PLCXD2: variants seen among roughly 807,000 people sequenced by gnomAD.
PLCXD2 encodes PI-PLC X domain-containing protein 2.
Under a neutral mutation model 28.6 loss-of-function variants are expected in PLCXD2, and 21 were observed. That is an observed-to-expected ratio of 0.73 (90% CI 0.52 to 1.06). The LOEUF (loss-of-function observed/expected upper bound fraction) is 1.06, where lower values mean the gene tolerates loss of function less well. Among genes scored for constraint, PLCXD2 ranks in the 50% least tolerant of loss-of-function variants. The pLI is 0.00. For synonymous variants in PLCXD2, 140 were observed against 150.1 expected (o/e 0.93, Z 0.49); for missense variants, 369 against 376.7 (o/e 0.98, Z 0.17).
At chr3:111,701,418 G>T (rs1006798953) in intron 1 of PLCXD2, among the ~76,000 whole-genome samples, 1 of 152,146 alleles carries the variant, frequency 6.6e-6, no homozygotes, top group Non-Finnish European at 1.5e-5. Context: ...CCAGAAAGGG[G>T]CCTGCCTATC....
intron 3 of PLCXD2, among the ~76,000 whole-genome samples, chr3:111,719,580 T>G (rs927137064): frequency 1.3e-5 from 2 of 152,226 alleles, no homozygotes; most frequent in Non-Finnish European, 2.9e-5. Flanking sequence ...AACGAACTAC[T>G]GATACATGCA....
Position 111,689,824 on chromosome 3 carries a change from T to C in PLCXD2, c.163+14416T>C, listed in dbSNP as rs758892397. ...ACTAGGACAGGCAGGAAGCAAGTAG[T>C]AACGCCTAAGGTAAGACAAAATCTT... On this transcript the variant is annotated intron_variant, in intron 1 of 4. Transcript: ENST00000477665. 4.1e-4 allele frequency among the ~76,000 whole-genome samples: 62 copies of C among 152,222 alleles called. 2 individuals carry two copies. The highest frequency in any genetic ancestry group is 2.1e-4 in the South Asian group (1 of 4,834).
intron 3 of PLCXD2, among the ~76,000 whole-genome samples, chr3:111,715,140 C>A (rs1941251576): frequency 6.6e-6 from 1 of 152,112 alleles, no homozygotes; most frequent in Non-Finnish European, 1.5e-5. Flanking sequence ...TTATGTCAAC[C>A]ATGGACAAAA....
chr3:111,722,261 A>G (rs1211286082), intron 3 of PLCXD2: 1 of 152,074 alleles, frequency 6.6e-6, no homozygotes, highest in Non-Finnish European at 1.5e-5. Flanking sequence ...GCACTCACAC[A>G]GGAGCTTACT....
At chr3:111,709,845 A>G (rs951612507) in intron 2 of PLCXD2, among the ~76,000 whole-genome samples, 1 of 152,136 alleles carries the variant, frequency 6.6e-6, no homozygotes, top group South Asian at 2.1e-4. Context: ...GCCTTCACTC[A>G]CTCTAAGCGA....
chr3:111,697,135 G>C (rs1371648731), intron 1 of PLCXD2, among the ~76,000 whole-genome samples: 1 of 152,002 alleles, frequency 6.6e-6, no homozygotes, highest in East Asian at 1.9e-4. Context: ...TAACTTATAA[G>C]ATTTATTTTA....
intron 1 of PLCXD2, among the ~76,000 whole-genome samples, chr3:111,690,592 T>C (rs1232018996): frequency 6.6e-6 from 1 of 152,192 alleles, no homozygotes; most frequent in East Asian, 1.9e-4. Context: ...TGGGGTGTGT[T>C]TTCATTCACT....
At chr3:111,689,009 A>G (rs1940836840) in intron 1 of PLCXD2, among the ~76,000 whole-genome samples, 1 of 152,158 alleles carries the variant, frequency 6.6e-6, no homozygotes, top group Non-Finnish European at 1.5e-5. Flanking sequence ...TAGTTTGTAG[A>G]TCTTATAAGA....
chr3:111,688,829 T>A (rs1940833501), intron 1 of PLCXD2, among the ~76,000 whole-genome samples: 1 of 151,720 alleles, frequency 6.6e-6, no homozygotes, highest in Non-Finnish European at 1.5e-5. Context: ...AAATTAACTT[T>A]AAAAAAAGAA....
At chr3:111,708,493 G>C in intron 2 of PLCXD2, 107 bp downstream of exon 2, 1 of 1,082,338 alleles carries the variant, frequency 9.2e-7, no homozygotes, top group Non-Finnish European at 1.3e-6. Context: ...TTAGGCTAAA[G>C]AGTGGATTGT....
At chr3:111,714,253 A>C in intron 3 of PLCXD2, 125 bp downstream of exon 3, 2 of 1,284,054 alleles carry the variant, frequency 1.6e-6, no homozygotes, top group Non-Finnish European at 2.1e-6. Context: ...AACAAGCAAA[A>C]AACTTTGTAT....
chr3:111,678,452 T>C (rs1940658130), intron 1 of PLCXD2, among the ~76,000 whole-genome samples: 2 of 152,248 alleles, frequency 1.3e-5, no homozygotes, highest in African/African-American at 2.4e-5. Flanking sequence ...TATGGACAAA[T>C]GGACTAATGG....
At chr3:111,726,036 C>G (rs1941410565) in intron 3 of PLCXD2, 1 of 341,046 alleles carries the variant, frequency 2.9e-6, no homozygotes, top group African/African-American at 3.1e-5. Context: ...ACCCCTCAAC[C>G]TACATCCAAT....
At chr3:111,708,436 CT>C (rs745848598) in intron 2 of PLCXD2, 50 bp downstream of exon 2, 1 of 1,505,502 alleles carries the variant, frequency 6.6e-7, no homozygotes, top group South Asian at 1.2e-5. Context: ...TTAACTCTTC[CT>C]GCTTTTCCTG....
chr3:111,699,547 C>T (rs1400706495), intron 1 of PLCXD2, among the ~76,000 whole-genome samples: 1 of 152,162 alleles, frequency 6.6e-6, no homozygotes, highest in Admixed American at 6.5e-5. Context: ...TGTGCCTGGT[C>T]TTCACAAGGC....
intron 1 of PLCXD2, among the ~76,000 whole-genome samples, chr3:111,701,138 G>C (rs891575760): frequency 6.6e-6 from 1 of 152,118 alleles, no homozygotes; most frequent in African/African-American, 2.4e-5. Flanking sequence ...TTCACACTCT[G>C]ATTTCTGACT....
At chr3:111,721,852 A>C (rs1452948181) in intron 3 of PLCXD2, 5 of 152,226 alleles carry the variant, frequency 3.3e-5, no homozygotes, top group Non-Finnish European at 7.3e-5. Context: ...CGCTAAGTGG[A>C]AGGCCCCTTA....
At chr3:111,723,965 A>ACCT (rs1941381431) in intron 3 of PLCXD2, 2 of 152,172 alleles carry the variant, frequency 1.3e-5, no homozygotes, top group African/African-American at 2.4e-5. Flanking sequence ...ATTTATTCTG[A>ACCT]AATACAACTG....
chr3:111,680,528 CT>C (rs1385075235), intron 1 of PLCXD2, among the ~76,000 whole-genome samples: 2 of 151,394 alleles, frequency 1.3e-5, no homozygotes, highest in Non-Finnish European at 2.9e-5. Context: ...TTTTGTTTTG[CT>C]TTTTCCCCCC....
Sources: allele counts gnomAD v4.1 joint callset (sites outside exome capture counted in the v4.1 genomes callset), GRCh38; gene constraint gnomAD v4.1.1; transcripts MANE v1.5; gene names NCBI Gene and HGNC (gene_info 2026-07-23, HGNC 2026-07-21).